Variants in PTPRK observed in about 807,000 individuals in gnomAD.
PTPRK encodes the protein receptor-type tyrosine-protein phosphatase kappa.
PTPRK carries 75 observed loss-of-function variants against 178.0 expected under a neutral mutation model. The ratio of observed to expected loss-of-function variants is 0.42; its 90% CI spans 0.35 to 0.51. The LOEUF (loss-of-function observed/expected upper bound fraction) is 0.51, where lower values mean the gene tolerates loss of function less well. Among genes scored for constraint, PTPRK ranks in the 20% least tolerant of loss-of-function variants. The probability of loss-of-function intolerance (pLI) is 0.02; values close to 1 mark genes in which losing one functional copy is unlikely to be tolerated. For missense variants in PTPRK, 1,441 were observed against 1,797.8 expected (o/e 0.80, Z 3.59); for synonymous variants, 637 against 620.6 (o/e 1.03, Z -0.39).
At chr6:128,283,796 GTT>G (rs1822053431) in intron 3 of PTPRK, among the ~76,000 whole-genome samples, 2 of 152,244 alleles carry the variant, frequency 1.3e-5, no homozygotes, top group South Asian at 4.1e-4. Context: ...TTTGTAGTAT[GTT>G]ATCACCAGTT....
At chr6:128,121,199 G>A (rs1792404150) in intron 7 of PTPRK, among the ~76,000 whole-genome samples, 1 of 151,930 alleles carries the variant, frequency 6.6e-6, no homozygotes, top group South Asian at 2.1e-4. Context: ...TTAAATTATA[G>A]TGCTGAGTAC....
At chr6:128,236,225 A>G (rs1284691435) in intron 5 of PTPRK, among the ~76,000 whole-genome samples, 1 of 152,132 alleles carries the variant, frequency 6.6e-6, no homozygotes, top group Non-Finnish European at 1.5e-5. Context: ...GAAAAAATTT[A>G]CAAATCATTA....
At position 128,162,517 on chromosome 6, in the gene PTPRK, A is replaced by G. The variant is rs1798846256; in HGVS notation, c.1162+21915T>C. Among the ~76,000 whole-genome samples the G allele has an allele frequency of 2.6e-5, 4 of 151,720 alleles. No individual in the cohort carries two copies. In the Admixed American group the frequency reaches 2.6e-4, roughly 10 times the overall value. ...ATATACAGAAAGAGCCTGAGATGAA[A>G]GCAATAAATCCAAATATATTTAGAA... On this transcript the variant is annotated intron_variant, in intron 7 of 29. Coordinates refer to ENST00000368226, the MANE Select transcript of PTPRK (RefSeq NM_002844.4).
intron 13 of PTPRK, among the ~76,000 whole-genome samples, chr6:128,025,371 A>C (rs1774131610): frequency 6.6e-6 from 1 of 152,214 alleles, no homozygotes; most frequent in African/African-American, 2.4e-5. Flanking sequence ...TCTTTTGCAA[A>C]ATTGTCCTAC....
At chr6:128,155,998 C>T (rs1365584981) in intron 7 of PTPRK, among the ~76,000 whole-genome samples, 1 of 151,896 alleles carries the variant, frequency 6.6e-6, no homozygotes, top group Non-Finnish European at 1.5e-5. Flanking sequence ...TTCCAGGGTA[C>T]AAACACCAAG....
At chr6:128,145,149 A>T (rs1796294259) in intron 7 of PTPRK, among the ~76,000 whole-genome samples, 3 of 152,190 alleles carry the variant, frequency 2.0e-5, no homozygotes, top group Admixed American at 1.3e-4. Flanking sequence ...ATGAAGGCAT[A>T]AACAATTAAA....
At chr6:128,057,693 T>C (rs148173503) in intron 13 of PTPRK, among the ~76,000 whole-genome samples, 2 of 152,330 alleles carry the variant, frequency 1.3e-5, no homozygotes, top group African/African-American at 4.8e-5. Flanking sequence ...CCTGTCCTTA[T>C]TCTGCTTTGT....
intron 3 of PTPRK, among the ~76,000 whole-genome samples, chr6:128,308,569 G>T (rs1826789142): frequency 6.6e-6 from 1 of 151,950 alleles, no homozygotes; most frequent in Non-Finnish European, 1.5e-5. Context: ...AGGAAGGAGA[G>T]TCCAATAATC....
At chr6:128,048,424 A>T (rs968418374) in intron 13 of PTPRK, among the ~76,000 whole-genome samples, 1 of 152,184 alleles carries the variant, frequency 6.6e-6, no homozygotes, top group African/African-American at 2.4e-5. Context: ...AAGGTTCCGC[A>T]TATGTTCCCT....
At chr6:128,173,080 G>A (rs538350677) in intron 7 of PTPRK, among the ~76,000 whole-genome samples, 1 of 151,974 alleles carries the variant, frequency 6.6e-6, no homozygotes, top group East Asian at 2.0e-4. Context: ...AGTATGCCTG[G>A]GATTGGATGA....
chr6:128,036,127 G>A (rs1208924156), intron 13 of PTPRK, among the ~76,000 whole-genome samples: 9 of 152,122 alleles, frequency 5.9e-5, no homozygotes, highest in Non-Finnish European at 7.3e-5. Flanking sequence ...GAATAGGGTT[G>A]GGAAACCTCT....
rs765343167 is a variant in PTPRK, at chr6:128,238,058, T to C, written c.693+1977A>G. On this transcript the variant is annotated intron_variant, in intron 5 of 29. Coordinates refer to ENST00000368226, the MANE Select transcript of PTPRK (RefSeq NM_002844.4). ...GAATAAGTTAAGGTAATTGATGTGGTGTTATTGAAAAAGGTAAAATAGCTT... is the reference window on the plus strand; with the variant it reads ...GAATAAGTTAAGGTAATTGATGTGGCGTTATTGAAAAAGGTAAAATAGCTT... The C allele has an allele frequency of 9.6e-5, 43 of 447,080 alleles. 2 individuals carry two copies. Among genetic ancestry groups the C allele is most frequent in the South Asian group, 6.1e-4 (38 of 61,920 alleles). 27.7% of individuals were successfully genotyped at this position (447,080 alleles called of 1,614,324 possible). A position where few individuals can be genotyped will look rare whatever the true frequency, so the allele number is the denominator to read the frequency against.
At chr6:128,122,804 A>G in intron 7 of PTPRK, among the ~76,000 whole-genome samples, 1 of 152,212 alleles carries the variant, frequency 6.6e-6, no homozygotes, top group East Asian at 1.9e-4. Context: ...ATTATTACCT[A>G]TTATTATAAT....
chr6:128,508,884 T>A (rs578085835), intron 1 of PTPRK, among the ~76,000 whole-genome samples: 2 of 151,186 alleles, frequency 1.3e-5, no homozygotes, highest in Middle Eastern at 3.4e-3. Context: ...GAGGCGGAGG[T>A]TGCGGTGAGC....
rs1408792909 is a variant in PTPRK, at chr6:128,472,946, T to C, written c.100+47313A>G. Among the ~76,000 whole-genome samples the C allele has an allele frequency of 7.9e-5, 12 of 152,258 alleles. No homozygotes were observed. The East Asian group carries it at 1.4e-3, about 17-fold the overall frequency. Reference sequence around the variant, plus strand: ...GGATAGTTGTTGCATGAGACAACAGTATTGCCTGCAAATTCTAAAATATGT... The same window carrying C: ...GGATAGTTGTTGCATGAGACAACAGCATTGCCTGCAAATTCTAAAATATGT... On this transcript the variant is annotated intron_variant, in intron 1 of 29. Coordinates refer to ENST00000368226, the MANE Select transcript of PTPRK (RefSeq NM_002844.4).
chr6:128,076,294 G>GT (rs1783796207), intron 11 of PTPRK, among the ~76,000 whole-genome samples: 1 of 152,010 alleles, frequency 6.6e-6, no homozygotes, highest in South Asian at 2.1e-4. Flanking sequence ...ACAGTTGCTG[G>GT]TAGGGAGACT....
At chr6:128,453,146 G>A (rs987276716) in intron 1 of PTPRK, among the ~76,000 whole-genome samples, 7 of 152,158 alleles carry the variant, frequency 4.6e-5, no homozygotes, top group Admixed American at 4.6e-4. Flanking sequence ...GTAGACAACT[G>A]TATATATTTC....
intron 1 of PTPRK, 118 bp from the exon 2 acceptor site, chr6:128,397,806 A>T (rs779574991): frequency 2.3e-5 from 22 of 939,066 alleles, no homozygotes; most frequent in Non-Finnish European, 3.3e-5. Flanking sequence ...TTAATAATAA[A>T]TGGTACTCCT....
chr6:128,482,105 G>C, intron 1 of PTPRK, among the ~76,000 whole-genome samples: 1 of 152,038 alleles, frequency 6.6e-6, no homozygotes, highest in Non-Finnish European at 1.5e-5. Context: ...TTGTTTTTAG[G>C]ACTTGCCCCT....
Sources: gnomAD v4.1 joint callset for allele counts (sites outside exome capture counted in the v4.1 genomes callset) on GRCh38, gnomAD v4.1.1 for gene constraint, MANE v1.5 for transcripts, NCBI Gene and HGNC (gene_info 2026-07-23, HGNC 2026-07-21) for gene names.